The following RAB11FIP4 variants were observed in gnomAD, a reference collection of about 807,000 sequenced individuals.
RAB11FIP4 encodes the protein rab11 family-interacting protein 4.
In RAB11FIP4, 23 loss-of-function variants were observed where a neutral mutation model predicts 74.3. The ratio of observed to expected loss-of-function variants is 0.31; its 90% confidence interval spans 0.22 to 0.44. The LOEUF is 0.44. Ranked by LOEUF, RAB11FIP4 falls within the 20% of genes least tolerant of loss-of-function variation. The pLI, the probability that RAB11FIP4 is intolerant of heterozygous loss-of-function variation, is 1.00. For missense variants in RAB11FIP4, 630 were observed against 863.9 expected (o/e 0.73, Z 3.39); for synonymous variants, 360 against 359.9 (o/e 1.00, Z 0.00).
At chr17:31,409,916 A>G (rs989634722) in intron 1 of RAB11FIP4, among the ~76,000 whole-genome samples, 8 of 152,124 alleles carry the variant, frequency 5.3e-5, no homozygotes, top group Non-Finnish European at 1.0e-4. Context: ...TGAGGCTGCT[A>G]GATGGTTTGG....
chr17:31,457,639 G>T (rs1408173090), intron 3 of RAB11FIP4, among the ~76,000 whole-genome samples: 2 of 152,006 alleles, frequency 1.3e-5, no homozygotes, highest in African/African-American at 4.8e-5. Flanking sequence ...CCCAGCGGGA[G>T]CTTTGAAGGC....
chr17:31,438,690 A>G (rs1404884833), intron 3 of RAB11FIP4, among the ~76,000 whole-genome samples: 6 of 151,958 alleles, frequency 3.9e-5, no homozygotes, highest in African/African-American at 1.5e-4. Context: ...CACACCTAAA[A>G]CTGGCGATAC....
intron 1 of RAB11FIP4, among the ~76,000 whole-genome samples, chr17:31,403,431 T>C (rs2071013659): frequency 6.6e-6 from 1 of 151,872 alleles, no homozygotes; most frequent in African/African-American, 2.4e-5. Context: ...CCAGCAATTC[T>C]CCTGCCTCAG....
intron 3 of RAB11FIP4, among the ~76,000 whole-genome samples, chr17:31,447,093 G>A (rs543005039): frequency 1.3e-5 from 2 of 152,188 alleles, no homozygotes; most frequent in Non-Finnish European, 2.9e-5. Flanking sequence ...GACCATCCTG[G>A]CTAACACGGT....
At chr17:31,465,846 A>G (rs2071680240) in intron 3 of RAB11FIP4, 1 of 151,992 alleles carries the variant, frequency 6.6e-6, no homozygotes, top group South Asian at 2.1e-4. Context: ...TAAAAAATAA[A>G]AAAAAGAGCC....
chr17:31,414,799 G>T (rs1039682755), intron 1 of RAB11FIP4, among the ~76,000 whole-genome samples: 2 of 152,258 alleles, frequency 1.3e-5, no homozygotes, highest in African/African-American at 4.8e-5. Flanking sequence ...CCCTGAGGCG[G>T]GGTCCTTCAT....
intron 1 of RAB11FIP4, among the ~76,000 whole-genome samples, chr17:31,402,831 T>C (rs897115064): frequency 1.4e-4 from 22 of 151,818 alleles, no homozygotes; most frequent in Middle Eastern, 3.2e-3. Context: ...TTCACCGTGT[T>C]AGCCAGGATG....
At chr17:31,394,128 C>T (rs1016266197) in intron 1 of RAB11FIP4, among the ~76,000 whole-genome samples, 14 of 152,076 alleles carry the variant, frequency 9.2e-5, no homozygotes, top group African/African-American at 2.9e-4. Flanking sequence ...ACTACAGAAG[C>T]GGTGGATATG....
At chr17:31,428,812 C>T (rs1246169283) in intron 1 of RAB11FIP4, among the ~76,000 whole-genome samples, 1 of 152,124 alleles carries the variant, frequency 6.6e-6, no homozygotes, top group Non-Finnish European at 1.5e-5. Flanking sequence ...GGCGTGGTGG[C>T]GTGCCTGTAG....
chr17:31,528,726 A>T lies in RAB11FIP4; in HGVS notation c.1601A>T (p.Asn534Ile). 6.2e-7 allele frequency: 1 copy of T among 1,612,086 alleles called. No individual in the cohort carries two copies. The highest frequency in any genetic ancestry group is 8.5e-7 in the Non-Finnish European group (1 of 1,179,668). The change falls in exon 13 of 15, where the codon AAT (asparagine) becomes ATT (isoleucine). Residue 534 changes from asparagine (N) to isoleucine (I), a missense_variant. Transcript: ENST00000621161. The stretch of plus-strand genomic sequence containing the variant: ...GCCTCCTCTGGCCTAGGCGAGTTCA[A>T]TGCCAGGGCCCGCGAGGTGGAGCTC... Reference protein sequence around the residue: ...RSASSGLGEFNARAREVELEH... With the variant: ...RSASSGLGEFIARAREVELEH...
At chr17:31,488,454 C>G in intron 3 of RAB11FIP4, 3 of 629,768 alleles carry the variant, frequency 4.8e-6, no homozygotes, top group Non-Finnish European at 6.1e-6. Context: ...GCGGCTCCTT[C>G]CCCAGCGCAG....
chr17:31,393,135 A>C (rs1365266215), intron 1 of RAB11FIP4, among the ~76,000 whole-genome samples: 1 of 152,240 alleles, frequency 6.6e-6, no homozygotes, highest in Non-Finnish European at 1.5e-5. Context: ...TGAGTCGCTG[A>C]GAGCTGTGGG....
chr17:31,536,802 T>A lies in RAB11FIP4; in HGVS notation c.*5070T>A, dbSNP rs1183576908. ...ACAACTCTGAGGCCCTTCTGCCATA[T>A]TCTCTGCTACCCACCAGAGAAAATA... On this transcript the variant is annotated 3_prime_UTR_variant, in exon 15 of 15. Transcript: ENST00000621161. 2.5e-6 allele frequency: 1 copy of A among 394,520 alleles called. No individual in the cohort carries two copies. The highest frequency in any genetic ancestry group is 4.5e-6 in the Non-Finnish European group (1 of 224,056). 24.4% of individuals were successfully genotyped at this position (394,520 alleles called of 1,614,324 possible).
Position 31,434,125 on chromosome 17 carries a change from A to G in RAB11FIP4, c.336+3A>G, listed in dbSNP as rs770718840. 3.2e-6 allele frequency: 5 copies of G among 1,573,812 alleles called. No homozygotes were observed. Among genetic ancestry groups the G allele is most frequent in the African/African-American group, 1.3e-5 (1 of 74,780 alleles). On this transcript the variant is annotated splice_donor_region_variant and intron_variant, in intron 3 of 14. Transcript: ENST00000621161. ...AGATCCCAGACTGCGTGGAGCAGGT[A>G]AGGCTTGGGGGGCCTCAAGGACCTC...
At chr17:31,396,900 A>G (rs2070936585) in intron 1 of RAB11FIP4, among the ~76,000 whole-genome samples, 1 of 152,180 alleles carries the variant, frequency 6.6e-6, no homozygotes, top group Non-Finnish European at 1.5e-5. Context: ...TGGAAATGAA[A>G]TGATGGTCCC....
chr17:31,441,060 T>C, intron 3 of RAB11FIP4, among the ~76,000 whole-genome samples: 1 of 152,192 alleles, frequency 6.6e-6, no homozygotes, highest in Non-Finnish European at 1.5e-5. Flanking sequence ...GTTTTGCTGT[T>C]ATTGCCCAGG....
chr17:31,394,310 A>AT (rs900497997), intron 1 of RAB11FIP4, among the ~76,000 whole-genome samples: 27 of 151,886 alleles, frequency 1.8e-4, no homozygotes, highest in South Asian at 6.2e-4. Flanking sequence ...TTGTAACCTG[A>AT]TTTTTTTTGC....
chr17:31,396,955 G>T (rs2070937153), intron 1 of RAB11FIP4, among the ~76,000 whole-genome samples: 1 of 152,152 alleles, frequency 6.6e-6, no homozygotes, highest in Non-Finnish European at 1.5e-5. Flanking sequence ...GCTAATGCCT[G>T]CTATGGGGGA....
At chr17:31,396,921 C>T (rs1203681107) in intron 1 of RAB11FIP4, among the ~76,000 whole-genome samples, 2 of 152,154 alleles carry the variant, frequency 1.3e-5, no homozygotes, top group Admixed American at 1.3e-4. Flanking sequence ...CACTGGGCTC[C>T]CTGAGTCCTC....
Sources: gnomAD v4.1 joint callset for allele counts (sites outside exome capture counted in the v4.1 genomes callset) on GRCh38, gnomAD v4.1.1 for gene constraint, MANE v1.5 for transcripts, NCBI Gene and HGNC (gene_info 2026-07-23, HGNC 2026-07-21) for gene names.